Variants in SYDE2 observed in about 807,000 individuals in gnomAD.
The protein encoded by SYDE2 is synapse defective Rho GTPase homolog 2, also known as rho GTPase-activating protein SYDE2.
A neutral mutation model predicts 91.5 loss-of-function variants in SYDE2; 76 were observed. The ratio of observed to expected loss-of-function variants is 0.83; its 90% CI spans 0.69 to 1.01. SYDE2 has a LOEUF of 1.01. Among genes scored for constraint, SYDE2 ranks in the 50% least tolerant of loss-of-function variants. The pLI, the probability that SYDE2 is intolerant of heterozygous loss-of-function variation, is 0.00. For synonymous variants in SYDE2, 513 were observed against 506.4 expected, an observed-to-expected ratio of 1.01 and a Z score of -0.18; for missense variants, 1,364 against 1,367.7, an observed-to-expected ratio of 1.00 and a Z score of 0.04.
intron 2 of SYDE2, among the ~76,000 whole-genome samples, chr1:85,183,582 C>CT (rs34925749): frequency 0.98 from 149,816 of 152,220 alleles, 73,761 homozygotes; most frequent in East Asian, 1. Flanking sequence ...CCCTCCACCC[C>CT]ATGTGTCCTA....
chr1:85,176,346 GA>G (rs955490508), intron 4 of SYDE2, among the ~76,000 whole-genome samples: 3 of 151,934 alleles, frequency 2.0e-5, no homozygotes, highest in Non-Finnish European at 2.9e-5. Context: ...AAATATGTAA[GA>G]AAAAAGTGAC....
chr1:85,174,269 A>G (rs1003304820), intron 4 of SYDE2, among the ~76,000 whole-genome samples: 9 of 152,206 alleles, frequency 5.9e-5, no homozygotes, highest in Non-Finnish European at 1.2e-4. Context: ...AGACAGGGAC[A>G]TTATTAATTA....
At chr1:85,161,801 C>T (rs950555266) in intron 6 of SYDE2, among the ~76,000 whole-genome samples, 3 of 151,514 alleles carry the variant, frequency 2.0e-5, no homozygotes, top group African/African-American at 7.3e-5. Flanking sequence ...ATTGATTTAT[C>T]CATCTTTAAA....
intron 4 of SYDE2, among the ~76,000 whole-genome samples, chr1:85,172,976 C>T (rs1220417232): frequency 2.6e-5 from 4 of 152,160 alleles, no homozygotes; most frequent in African/African-American, 7.2e-5. Flanking sequence ...CAATCACTCT[C>T]GTTCCATGCA....
At chr1:85,159,908 G>A (rs1656995605) in intron 6 of SYDE2, 1 of 983,858 alleles carries the variant, frequency 1.0e-6, no homozygotes, top group Non-Finnish European at 1.2e-6. Context: ...ATTCTGGTTA[G>A]GTATTTAACA....
At chr1:85,196,284 G>A (rs139883750) in intron 1 of SYDE2, among the ~76,000 whole-genome samples, 2 of 152,152 alleles carry the variant, frequency 1.3e-5, no homozygotes, top group East Asian at 1.9e-4. Context: ...TCAAAAGTAC[G>A]GTACACCAGA....
chr1:85,195,479 A>G (rs1285809195), intron 1 of SYDE2, among the ~76,000 whole-genome samples: 1 of 152,006 alleles, frequency 6.6e-6, no homozygotes, highest in Non-Finnish European at 1.5e-5. Flanking sequence ...TCTTTCCTAG[A>G]CAAATCTAAA....
At chr1:85,185,965 G>A (rs1322310165) in intron 2 of SYDE2, among the ~76,000 whole-genome samples, 11 of 152,018 alleles carry the variant, frequency 7.2e-5, no homozygotes, top group African/African-American at 2.2e-4. Context: ...TTTGAGATAC[G>A]TCCCATCAAT....
intron 4 of SYDE2, among the ~76,000 whole-genome samples, chr1:85,177,684 T>C (rs903711362): frequency 6.6e-6 from 1 of 152,168 alleles, no homozygotes; most frequent in Non-Finnish European, 1.5e-5. Flanking sequence ...TCTTCTAATT[T>C]CAATCCATCA....
intron 5 of SYDE2, among the ~76,000 whole-genome samples, chr1:85,165,144 G>A (rs1466068634): frequency 2.0e-5 from 3 of 152,144 alleles, no homozygotes; most frequent in Non-Finnish European, 4.4e-5. Flanking sequence ...TGAGATGGGA[G>A]AATCGCTGGA....
In SYDE2 at chr1:85,172,125, T is replaced by A. The variant is rs199724077; in HGVS notation, c.2672-2900A>T. On this transcript the variant is annotated intron_variant, in intron 4 of 6. Transcript: ENST00000341460. Reference sequence around the variant, plus strand: ...AAGGAATTAGAATTTGTCCAAGATGTAAGGAAGATCATTTCTCTATTATTA... The same window carrying A: ...AAGGAATTAGAATTTGTCCAAGATGAAAGGAAGATCATTTCTCTATTATTA... 2.4e-4 allele frequency among the ~76,000 whole-genome samples: 36 copies of A among 152,284 alleles called. No homozygotes were observed. In the East Asian group the frequency reaches 6.9e-3, roughly 29 times the overall value.
chr1:85,172,045 A>G (rs1176340138), intron 4 of SYDE2, among the ~76,000 whole-genome samples: 2 of 152,220 alleles, frequency 1.3e-5, no homozygotes, highest in Non-Finnish European at 2.9e-5. Flanking sequence ...GAGAGGAAAT[A>G]TGATCAATTG....
At chr1:85,184,763 G>A (rs1367179815) in intron 2 of SYDE2, among the ~76,000 whole-genome samples, 2 of 151,878 alleles carry the variant, frequency 1.3e-5, no homozygotes, top group Non-Finnish European at 2.9e-5. Context: ...TAGGGAAACC[G>A]AGGTGGGAAG....
chr1:85,164,658 C>A lies in SYDE2; in HGVS notation c.2953G>T (p.Val985Leu). 1 of 1,581,578 alleles carries A rather than the reference C, an allele frequency of 6.3e-7. No homozygotes were observed. The highest frequency in any genetic ancestry group is 1.3e-5 in the African/African-American group (1 of 74,434). Residue 985 changes from valine (V) to leucine (L), a missense_variant, in exon 6 of 7, where the codon GTA becomes TTA. Val to Leu is a conservative substitution (Grantham distance 32). Transcript: ENST00000341460. ...GGCTCTTGCCTCTGACTTAATAATA[C>A]TGGTCCAAAGCACACAGCCAAATTC... is the stretch of plus-strand genomic sequence containing the variant. ...CQNLAVCFGP[V>L]LLSQRQEPST...
rs944362216 is a variant in SYDE2, at chr1:85,158,560, A to G, written c.*190T>C. 4.2e-6 allele frequency: 2 copies of G among 479,212 alleles called. No homozygotes were observed. Among genetic ancestry groups the G allele is most frequent in the African/African-American group, 4.1e-5 (2 of 49,068 alleles). 29.7% of individuals were successfully genotyped at this position (479,212 alleles called of 1,614,324 possible). A position where few individuals can be genotyped will look rare whatever the true frequency, so the allele number is the denominator to read the frequency against. ...AGTCCAAGTTTTATTGATCCCCAGA[A>G]AAGTTTTCTAGTGAGATAAGTAAAA... is the stretch of plus-strand genomic sequence containing the variant. On this transcript the variant is annotated 3_prime_UTR_variant, in exon 7 of 7. Coordinates refer to ENST00000341460, the MANE Select transcript of SYDE2 (RefSeq NM_032184.2).
At chr1:85,173,163 G>C (rs1333675883) in intron 4 of SYDE2, among the ~76,000 whole-genome samples, 2 of 152,114 alleles carry the variant, frequency 1.3e-5, no homozygotes, top group Non-Finnish European at 2.9e-5. Context: ...AGGTCACTAG[G>C]GTGGGCCCTA....
At chr1:85,160,034 C>T (rs1183075880) in intron 6 of SYDE2, 27 of 984,550 alleles carry the variant, frequency 2.7e-5, no homozygotes, top group Middle Eastern at 1.0e-3. Flanking sequence ...CCAAGGTTTA[C>T]TCTTGTGTGT....
chr1:85,170,157 C>T (rs1468547113), intron 4 of SYDE2, among the ~76,000 whole-genome samples: 1 of 142,874 alleles, frequency 7.0e-6, no homozygotes, highest in African/African-American at 2.6e-5. Context: ...CTCGCTCCAT[C>T]ACCCAGGCTG....
intron 2 of SYDE2, among the ~76,000 whole-genome samples, chr1:85,183,786 A>G (rs1480075948): frequency 3.3e-5 from 5 of 152,182 alleles, no homozygotes; most frequent in Non-Finnish European, 7.4e-5. Flanking sequence ...GTCCTGCTTC[A>G]GTCTATAAAC....
Sources: gnomAD v4.1 joint callset for allele counts (sites outside exome capture counted in the v4.1 genomes callset) on GRCh38, gnomAD v4.1.1 for gene constraint, MANE v1.5 for transcripts, NCBI Gene and HGNC (gene_info 2026-07-23, HGNC 2026-07-21) for gene names.